Variants in MAP2K1 observed in about 807,000 individuals in gnomAD.
MAP2K1 encodes the protein dual specificity mitogen-activated protein kinase kinase 1.
MAP2K1 carries 16 observed loss-of-function variants against 46.3 expected under a neutral mutation model. The ratio of observed to expected loss-of-function variants is 0.35; its 90% CI spans 0.23 to 0.52. The LOEUF (loss-of-function observed/expected upper bound fraction) is 0.52. Ranked by LOEUF, MAP2K1 falls within the 20% of genes least tolerant of loss-of-function variation. The probability of loss-of-function intolerance (pLI) is 0.94; values close to 1 mark genes in which losing one functional copy is unlikely to be tolerated. For missense variants in MAP2K1, 263 were observed against 497.1 expected, an observed-to-expected ratio of 0.53 and a Z score of 4.48; for synonymous variants, 183 against 185.6, an observed-to-expected ratio of 0.99 and a Z score of 0.11.
rs549156666 is a variant in MAP2K1 at position 66,437,050 on chromosome 15, A to C, written c.438+158A>C. 3.3e-5 allele frequency among the ~76,000 whole-genome samples: 5 copies of C among 152,278 alleles called. No homozygotes were observed. The South Asian group carries it at 1.0e-3, about 32-fold the overall frequency. On this transcript the variant is annotated intron_variant, in intron 3 of 10. Transcript: ENST00000307102. ...GGGAAGTCTAACTGTAGAGCTTGGG[A>C]TATTCACAAGATGGCAGGCCTCCTT...
At chr15:66,422,583 A>G (rs1006008812) in intron 1 of MAP2K1, among the ~76,000 whole-genome samples, 2 of 152,202 alleles carry the variant, frequency 1.3e-5, no homozygotes, top group Admixed American at 1.3e-4. Context: ...AGTACCTATG[A>G]CGGGAAAAAA....
At chr15:66,402,357 C>A (rs542251400) in intron 1 of MAP2K1, among the ~76,000 whole-genome samples, 1 of 152,286 alleles carries the variant, frequency 6.6e-6, no homozygotes, top group Non-Finnish European at 1.5e-5. Flanking sequence ...ACAGTGAAGT[C>A]TAGTGTCTTA....
intron 3 of MAP2K1, among the ~76,000 whole-genome samples, 189 bp from the exon 4 acceptor site, chr15:66,443,082 ATTTTTTTTT>A (rs398027713): frequency 9.9e-5 from 9 of 91,064 alleles, no homozygotes; most frequent in Admixed American, 3.2e-4. Context: ...TTGTGTGTGT[ATTTTTTTTT>A]TTTTTTTTTT....
intron 1 of MAP2K1, among the ~76,000 whole-genome samples, chr15:66,399,454 T>A (rs1446352500): frequency 6.7e-6 from 1 of 148,932 alleles, no homozygotes; most frequent in Non-Finnish European, 1.5e-5. Context: ...TCCCACCCCC[T>A]CTTTTTTTTT....
chr15:66,459,139 C>A (rs907474296), intron 5 of MAP2K1, among the ~76,000 whole-genome samples: 4 of 150,376 alleles, frequency 2.7e-5, no homozygotes, highest in African/African-American at 4.9e-5. Context: ...ACGGTGAAAC[C>A]CCGTCTCTAC....
intron 5 of MAP2K1, among the ~76,000 whole-genome samples, chr15:66,457,147 C>T (rs1892185889): frequency 6.6e-6 from 1 of 152,196 alleles, no homozygotes; most frequent in South Asian, 2.1e-4. Flanking sequence ...GAGACCGAGT[C>T]TCGCTCTGTC....
At chr15:66,395,105 G>A (rs1051633704) in intron 1 of MAP2K1, among the ~76,000 whole-genome samples, 4 of 152,174 alleles carry the variant, frequency 2.6e-5, no homozygotes, top group African/African-American at 9.7e-5. Context: ...CCTTATCTGA[G>A]TGGCATATGT....
chr15:66,390,016 G>T (rs1215176296), intron 1 of MAP2K1, among the ~76,000 whole-genome samples: 2 of 152,178 alleles, frequency 1.3e-5, no homozygotes, highest in African/African-American at 4.8e-5. Context: ...GTTGGCTGCT[G>T]GTGCCTTTGT....
Position 66,491,017 on chromosome 15 carries a change from C to G in MAP2K1, c.*402C>G. On this transcript the variant is annotated 3_prime_UTR_variant, in exon 11 of 11. Coordinates refer to ENST00000307102, the MANE Select transcript of MAP2K1 (RefSeq NM_002755.4). ...TGGTACTTTATTCTTGCTGGGCATA[C>G]TTTCTCTCTAGGAGGGAGCCTTGTG... The G allele has an allele frequency of 2.4e-6, 1 of 423,072 alleles. No individual in the cohort carries two copies. The highest frequency in any genetic ancestry group is 4.4e-6 in the Non-Finnish European group (1 of 226,900). 26.2% of individuals were successfully genotyped at this position (423,072 alleles called of 1,614,324 possible). A position where few individuals can be genotyped will look rare whatever the true frequency, so the allele number is the denominator to read the frequency against.
intron 3 of MAP2K1, among the ~76,000 whole-genome samples, chr15:66,438,771 A>G (rs1296705360): frequency 6.6e-6 from 1 of 152,142 alleles, no homozygotes; most frequent in Non-Finnish European, 1.5e-5. Context: ...GGCCAAGCAC[A>G]GTGTCTGGCA....
At position 66,490,988 on chromosome 15, in the gene MAP2K1, T is replaced by C. The variant is rs949514883; in HGVS notation, c.*373T>C. 1.8e-5 allele frequency: 8 copies of C among 433,310 alleles called. No homozygotes were observed. In the Admixed American group the frequency reaches 1.9e-4, roughly 10 times the overall value. The allele number at this position is 433,310 out of a possible 1,614,324, so 26.8% of individuals were successfully genotyped here. ...CTGTATTTTCGGGATTCTTTGACAT[T>C]TGGTGGTACTTTATTCTTGCTGGGC... On this transcript the variant is annotated 3_prime_UTR_variant, in exon 11 of 11. Transcript: ENST00000307102.
chr15:66,413,795 G>A (rs2093417364), intron 1 of MAP2K1, among the ~76,000 whole-genome samples: 1 of 152,178 alleles, frequency 6.6e-6, no homozygotes, highest in African/African-American at 2.4e-5. Context: ...GGAACTCAAA[G>A]GGTGAGTGAC....
At chr15:66,439,537 C>T (rs952444512) in intron 3 of MAP2K1, among the ~76,000 whole-genome samples, 1 of 152,110 alleles carries the variant, frequency 6.6e-6, no homozygotes, top group African/African-American at 2.4e-5. Flanking sequence ...GAGGCTAAGG[C>T]GGGCAGATCA....
In MAP2K1 at chr15:66,449,766, A is replaced by G. The variant is rs1209054401; in HGVS notation, c.568+5059A>G. 2.0e-5 allele frequency among the ~76,000 whole-genome samples: 3 copies of G among 152,100 alleles called. No homozygotes were observed. The East Asian group carries it at 5.8e-4, about 29-fold the overall frequency. On this transcript the variant is annotated intron_variant, in intron 5 of 10. Transcript: ENST00000307102. ...TGTGGTGGTGGGCGCCTATAATCCC[A>G]GCTACTTGGGAGGCTGAGGCAGGAG... is the stretch of plus-strand genomic sequence containing the variant.
intron 1 of MAP2K1, among the ~76,000 whole-genome samples, chr15:66,418,542 G>C (rs1217104281): frequency 6.6e-6 from 1 of 152,128 alleles, no homozygotes; most frequent in Admixed American, 6.6e-5. Context: ...CAGGGAATGG[G>C]TAATGTCCAG....
At chr15:66,392,417 G>A (rs757607075) in intron 1 of MAP2K1, among the ~76,000 whole-genome samples, 7 of 151,460 alleles carry the variant, frequency 4.6e-5, no homozygotes, top group Non-Finnish European at 1.0e-4. Context: ...GGGCTCAAGC[G>A]ATCTGCCCAC....
At chr15:66,397,773 T>G (rs79065844) in intron 1 of MAP2K1, among the ~76,000 whole-genome samples, 30,977 of 152,090 alleles carry the variant, frequency 0.2, 3,848 homozygotes, top group Middle Eastern at 0.32. Flanking sequence ...ACCTAGGATG[T>G]GGAACATTCT....
At chr15:66,403,957 CT>C (rs1208012664) in intron 1 of MAP2K1, among the ~76,000 whole-genome samples, 1 of 152,124 alleles carries the variant, frequency 6.6e-6, no homozygotes, top group Non-Finnish European at 1.5e-5. Flanking sequence ...CACTGTAAAC[CT>C]TTTGTTTAAT....
At chr15:66,479,892 T>A (rs1892872759) in intron 5 of MAP2K1, among the ~76,000 whole-genome samples, 3 of 151,992 alleles carry the variant, frequency 2.0e-5, no homozygotes, top group South Asian at 4.2e-4. Context: ...ATGATTTTTT[T>A]TTATTATTTT....
Sources: gnomAD v4.1 joint callset for allele counts (sites outside exome capture counted in the v4.1 genomes callset) on GRCh38, gnomAD v4.1.1 for gene constraint, MANE v1.5 for transcripts, NCBI Gene and HGNC (gene_info 2026-07-23, HGNC 2026-07-21) for gene names.